The following ALK variants were observed in gnomAD, a reference collection of about 807,000 sequenced individuals.
The protein encoded by ALK is ALK tyrosine kinase receptor.
In ALK, 74 loss-of-function variants were observed where a neutral mutation model predicts 163.1. That is an observed-to-expected ratio of 0.45 (90% CI 0.38 to 0.55). The LOEUF is 0.55. Ranked by LOEUF, ALK falls within the 20% of genes least tolerant of loss-of-function variation. The probability of loss-of-function intolerance (pLI) is 0.00; values close to 1 mark genes in which losing one functional copy is unlikely to be tolerated. For missense variants in ALK, 2,063 were observed against 2,105.3 expected (o/e 0.98, Z 0.39); for synonymous variants, 960 against 843.2 (o/e 1.14, Z -2.40).
intron 3 of ALK, among the ~76,000 whole-genome samples, chr2:29,578,758 G>A (rs557918782): frequency 5.9e-5 from 9 of 152,316 alleles, no homozygotes; most frequent in South Asian, 2.1e-4. Flanking sequence ...TCATGTCCAC[G>A]TTTCAGAGTC....
intron 3 of ALK, among the ~76,000 whole-genome samples, chr2:29,581,214 C>T (rs1347921547): frequency 2.0e-5 from 3 of 152,032 alleles, no homozygotes; most frequent in African/African-American, 7.2e-5. Context: ...ATGGTGAAAC[C>T]CCATCTCTAC....
intron 19 of ALK, among the ~76,000 whole-genome samples, chr2:29,224,133 A>C (rs1441195000): frequency 6.6e-6 from 1 of 152,228 alleles, no homozygotes; most frequent in Non-Finnish European, 1.5e-5. Context: ...GTGCAATCAC[A>C]GCAGTGGATT....
intron 1 of ALK, among the ~76,000 whole-genome samples, chr2:29,809,492 C>A (rs112276035): frequency 6.6e-6 from 1 of 152,218 alleles, no homozygotes; most frequent in Non-Finnish European, 1.5e-5. Context: ...TACAGTTGGT[C>A]TGACTCCCTT....
At chr2:29,358,794 T>C (rs2148285066) in intron 5 of ALK, among the ~76,000 whole-genome samples, 1 of 152,280 alleles carries the variant, frequency 6.6e-6, no homozygotes, top group East Asian at 1.9e-4. Context: ...TTCCACAGCT[T>C]CCCCCATGAG....
At chr2:29,570,486 G>A (rs757105672) in intron 3 of ALK, among the ~76,000 whole-genome samples, 23 of 152,330 alleles carry the variant, frequency 1.5e-4, no homozygotes, top group East Asian at 1.2e-3. Flanking sequence ...CATTAGAACA[G>A]AAAGTGTTCA....
At chr2:29,653,156 T>G (rs1307398456) in intron 3 of ALK, among the ~76,000 whole-genome samples, 1 of 152,148 alleles carries the variant, frequency 6.6e-6, no homozygotes, top group African/African-American at 2.4e-5. Context: ...CAGAACTTCC[T>G]GCTTGCTTGG....
intron 4 of ALK, among the ~76,000 whole-genome samples, chr2:29,411,897 C>A (rs1354409361): frequency 6.6e-6 from 1 of 152,202 alleles, no homozygotes; most frequent in Non-Finnish European, 1.5e-5. Flanking sequence ...CATGGATGAG[C>A]CTCTTGAGTG....
intron 3 of ALK, among the ~76,000 whole-genome samples, chr2:29,607,816 A>C (rs921416433): frequency 6.7e-6 from 1 of 150,124 alleles, no homozygotes; most frequent in Non-Finnish European, 1.5e-5. Context: ...TGGTCATCTC[A>C]TCCTGTCTCG....
chr2:29,494,842 T>TTGTGTGTG (rs1461019463), intron 4 of ALK, among the ~76,000 whole-genome samples: 2 of 80,878 alleles, frequency 2.5e-5, no homozygotes, highest in African/African-American at 1.1e-4. Context: ...CTTTAGAGAC[T>TTGTGTGTG]CGTGTGTGTG....
At chr2:29,579,527 A>G (rs1674618871) in intron 3 of ALK, among the ~76,000 whole-genome samples, 1 of 152,192 alleles carries the variant, frequency 6.6e-6, no homozygotes, top group African/African-American at 2.4e-5. Context: ...GTTATATGCA[A>G]AGAAATCCCT....
At chr2:29,809,907 T>C (rs546098052) in intron 1 of ALK, among the ~76,000 whole-genome samples, 81 of 152,346 alleles carry the variant, frequency 5.3e-4, no homozygotes, top group African/African-American at 1.9e-3. Flanking sequence ...GGTCTGTATT[T>C]GCCTATGGCT....
chr2:29,510,413 C>T (rs1672478302), intron 4 of ALK, among the ~76,000 whole-genome samples: 2 of 152,032 alleles, frequency 1.3e-5, no homozygotes, highest in African/African-American at 4.8e-5. Flanking sequence ...TAAAACATGG[C>T]CCCAAAATAG....
At chr2:29,723,011 C>T (rs866059140) in intron 1 of ALK, among the ~76,000 whole-genome samples, 4 of 152,128 alleles carry the variant, frequency 2.6e-5, no homozygotes, top group South Asian at 2.1e-4. Context: ...TTTCCCATCT[C>T]GCATCTCTCC....
chr2:29,629,777 T>C (rs1056712093), intron 3 of ALK, among the ~76,000 whole-genome samples: 1 of 152,168 alleles, frequency 6.6e-6, no homozygotes, highest in African/African-American at 2.4e-5. Context: ...GTACAGACAG[T>C]TATTAGTCTC....
At chr2:29,381,121 C>G (rs993104927) in intron 5 of ALK, among the ~76,000 whole-genome samples, 1 of 152,198 alleles carries the variant, frequency 6.6e-6, no homozygotes, top group Non-Finnish European at 1.5e-5. Flanking sequence ...AACTTGGGAT[C>G]GAGTTTGACT....
chr2:29,460,876 T>C (rs1671069231), intron 4 of ALK, among the ~76,000 whole-genome samples: 1 of 152,120 alleles, frequency 6.6e-6, no homozygotes, highest in South Asian at 2.1e-4. Context: ...AAGGAAGGCA[T>C]GTTGAAAGCT....
At chr2:29,445,217 T>C (rs778492532) in intron 4 of ALK, among the ~76,000 whole-genome samples, 5 of 152,154 alleles carry the variant, frequency 3.3e-5, no homozygotes, top group Non-Finnish European at 5.9e-5. Context: ...GGGCCAGTGA[T>C]AGATCACAGG....
chr2:29,680,958 G>A (rs1254447792), intron 3 of ALK: 1 of 152,114 alleles, frequency 6.6e-6, no homozygotes, highest in Admixed American at 6.6e-5. Context: ...TCCCTGCAGT[G>A]TGTGTAGGCT....
chr2:29,453,467 C>T (rs1224498967), intron 4 of ALK, among the ~76,000 whole-genome samples: 1 of 152,018 alleles, frequency 6.6e-6, no homozygotes, highest in Admixed American at 6.6e-5. Context: ...AACTCCTAAA[C>T]TCAAGCAGTC....
Sources: gnomAD v4.1 joint callset for allele counts (sites outside exome capture counted in the v4.1 genomes callset) on GRCh38, gnomAD v4.1.1 for gene constraint, MANE v1.5 for transcripts, NCBI Gene and HGNC (gene_info 2026-07-23, HGNC 2026-07-21) for gene names.